Variants in TAAR2 observed in about 807,000 individuals in gnomAD.
TAAR2 encodes trace amine associated receptor 2, also known as trace amine-associated receptor 2.
Under a neutral mutation model 25.5 loss-of-function variants are expected in TAAR2, and 30 were observed. That is an observed-to-expected ratio of 1.18 (90% CI 0.88 to 1.60). The LOEUF (loss-of-function observed/expected upper bound fraction) is 1.60. Ranked by LOEUF, TAAR2 falls within the 40% of genes most tolerant of loss-of-function variation. TAAR2 has a pLI of 0.00. For missense variants in TAAR2, 481 were observed against 416.5 expected (o/e 1.15, Z -1.35); for synonymous variants, 150 against 142.4 (o/e 1.05, Z -0.38).
chr6:132,623,144 A>G (rs766455232), intron 1 of TAAR2, among the ~76,000 whole-genome samples: 1 of 152,024 alleles, frequency 6.6e-6, no homozygotes, highest in Non-Finnish European at 1.5e-5. Context: ...ATGGGATTGT[A>G]AGGAAAAAGG....
At chr6:132,622,170 A>G (rs1316959515) in intron 1 of TAAR2, among the ~76,000 whole-genome samples, 1 of 152,008 alleles carries the variant, frequency 6.6e-6, no homozygotes, top group African/African-American at 2.4e-5. Flanking sequence ...AAGATTTGTA[A>G]CATAATGAAT....
In TAAR2 at chr6:132,617,302, A is replaced by G; in HGVS notation, c.904T>C (p.Trp302Arg). ...CATGTGGAGTTAAAATAGCCAAACC[A>G]TGTCAAGGCATCAAACAAAACTACA... ...TPVVLFDALT[W>R]FGYFNSTCNP... Residue 302 changes from tryptophan (W) to arginine (R), a missense_variant, in exon 2 of 2, where the codon TGG becomes CGG. Coordinates refer to ENST00000367931, the MANE Select transcript of TAAR2 (RefSeq NM_001033080.1). 2 of 1,613,790 alleles carry G rather than the reference A, an allele frequency of 1.2e-6. No individual in the cohort carries two copies. The highest frequency in any genetic ancestry group is 2.2e-5 in the East Asian group (1 of 44,732).
At chr6:132,623,424 A>G (rs1407856630) in intron 1 of TAAR2, among the ~76,000 whole-genome samples, 4 of 152,186 alleles carry the variant, frequency 2.6e-5, no homozygotes, top group African/African-American at 9.7e-5. Context: ...AAAATTCAAA[A>G]AGGAAGACCT....
At chr6:132,618,237 G>C in intron 1 of TAAR2, 92 bp from the exon 2 acceptor site, 1 of 1,172,660 alleles carries the variant, frequency 8.5e-7, no homozygotes, top group Non-Finnish European at 1.2e-6. Context: ...GAAAGGCAGA[G>C]AAGAATCAAG....
At chr6:132,619,225 G>A (rs1777342125) in intron 1 of TAAR2, among the ~76,000 whole-genome samples, 1 of 152,166 alleles carries the variant, frequency 6.6e-6, no homozygotes, top group African/African-American at 2.4e-5. Flanking sequence ...TAGAAAGCAA[G>A]CCATCTCTAC....
At position 132,618,156 on chromosome 6, in the gene TAAR2, C is replaced by T. The variant is rs776325452; in HGVS notation, c.61-11G>A. 12 of 1,551,526 alleles carry T rather than the reference C, an allele frequency of 7.7e-6. No individual in the cohort carries two copies. The highest frequency in any genetic ancestry group is 8.7e-6 in the Non-Finnish European group (10 of 1,153,542). On this transcript the variant is annotated splice_polypyrimidine_tract_variant and intron_variant, in intron 1 of 1. Transcript: ENST00000367931. ...GCAATTGAATTTTTCCTTCAAAAAACAAGAACAGATAGAATTTTGTCAGAA... is the reference window on the plus strand; with the variant it reads ...GCAATTGAATTTTTCCTTCAAAAAATAAGAACAGATAGAATTTTGTCAGAA...
Position 132,617,655 on chromosome 6 carries a change from T to A in TAAR2, c.551A>T (p.Tyr184Phe). The A allele has an allele frequency of 1.2e-6, 2 of 1,613,964 alleles. No homozygotes were observed. The highest frequency in any genetic ancestry group is 1.7e-6 in the Non-Finnish European group (2 of 1,179,986). The change falls in exon 2 of 2, where the codon TAT becomes TTT. Residue 184 changes from tyrosine to phenylalanine, a missense_variant. Physicochemically the swap from Tyr to Phe is conservative, Grantham distance 22. Transcript: ENST00000367931. ...FAFGVVFSEAYADGIEGYDIL... is the reference protein window; with the variant it reads ...FAFGVVFSEAFADGIEGYDIL... Reference sequence around the variant, plus strand: ...GTCATAGCCCTCTATTCCATCTGCATAGGCCTCTGAGAAGACCACCCCGAA... The same window carrying A: ...GTCATAGCCCTCTATTCCATCTGCAAAGGCCTCTGAGAAGACCACCCCGAA...
intron 1 of TAAR2, among the ~76,000 whole-genome samples, chr6:132,623,365 C>T (rs1438867526): frequency 6.6e-6 from 1 of 152,152 alleles, no homozygotes; most frequent in East Asian, 1.9e-4. Context: ...TTAAGTCCTG[C>T]ACCTTCCACA....
chr6:132,617,504 T>C lies in TAAR2; in HGVS notation c.702A>G (p.Ala234=), dbSNP rs2114607013. Residue 234 remains alanine, a synonymous_variant, in exon 2 of 2, where the codon GCA becomes GCG. Transcript: ENST00000367931. Reference sequence around the variant, plus strand: ...TGGCATGAGCATGTTTTCTGGATACTGCAAAAATTTTGCCATAAATCCCCA... The same window carrying C: ...TGGCATGAGCATGTTTTCTGGATACCGCAAAAATTTTGCCATAAATCCCCA... ...MMVGIYGKIF[A]VSRKHAHAIN... The C allele has an allele frequency of 3.7e-6, 6 of 1,614,036 alleles. No individual in the cohort carries two copies. The highest frequency in any genetic ancestry group is 1.1e-5 in the South Asian group (1 of 91,084).
rs773819525 is a variant in TAAR2 at position 132,617,824 on chromosome 6, T to C, written c.382A>G (p.Ile128Val). The C allele has an allele frequency of 1.9e-6, 3 of 1,614,094 alleles. No homozygotes were observed. Among genetic ancestry groups the C allele is most frequent in the East Asian group, 2.2e-5 (1 of 44,824 alleles). Residue 128 changes from isoleucine to valine, a missense_variant, in exon 2 of 2, where the codon ATA becomes GTA. Physicochemically the swap from Ile to Val is conservative, Grantham distance 29 (BLOSUM62 3). Coordinates refer to ENST00000367931, the MANE Select transcript of TAAR2 (RefSeq NM_001033080.1). Reference sequence around the variant, plus strand: ...GAGCAAAGATGAAAAATGGATGTTATGCTAAGCATCAGGTCAAAACTATAA... The same window carrying C: ...GAGCAAAGATGAAAAATGGATGTTACGCTAAGCATCAGGTCAAAACTATAA... ...IYYSFDLMLS[I>V]TSIFHLCSVA... is the part of the protein sequence containing the mutation.
intron 1 of TAAR2, among the ~76,000 whole-genome samples, chr6:132,618,517 G>A (rs1777332625): frequency 6.6e-6 from 1 of 152,106 alleles, no homozygotes; most frequent in Non-Finnish European, 1.5e-5. Flanking sequence ...GCATGTGCCT[G>A]TAATCCCAGC....
intron 1 of TAAR2, among the ~76,000 whole-genome samples, chr6:132,621,999 G>A (rs1417992349): frequency 6.6e-6 from 1 of 152,080 alleles, no homozygotes; most frequent in Non-Finnish European, 1.5e-5. Flanking sequence ...TGTAAAAGCA[G>A]TATTTTAAAG....
At position 132,617,439 on chromosome 6, in the gene TAAR2, T is replaced by C; in HGVS notation, c.767A>G (p.Lys256Arg). 1 of 1,613,794 alleles carries C rather than the reference T, an allele frequency of 6.2e-7. No individual in the cohort carries two copies. Among genetic ancestry groups the C allele is most frequent in the Non-Finnish European group, 8.5e-7 (1 of 1,179,936 alleles). The part of the protein sequence containing the change: ...LRENQNNQVK[K>R]DKKAAKTLGI... ...TAAAGTTTTGGCAGCTTTTTTGTCT[T>C]TCTTCACTTGATTATTTTGATTTTC... Residue 256 changes from lysine to arginine, a missense_variant, in exon 2 of 2, where the codon AAA (lysine) becomes AGA (arginine). Transcript: ENST00000367931.
At position 132,617,323 on chromosome 6, in the gene TAAR2, C is replaced by A; in HGVS notation, c.883G>T (p.Val295Phe). ...DPFLNFSTPV[V>F]LFDALTWFGY... is the part of the protein sequence containing the mutation. ...AACCATGTCAAGGCATCAAACAAAA[C>A]TACAGGAGTAGAGAAGTTCAAAAAG... is the stretch of plus-strand genomic sequence containing the variant. The change falls in exon 2 of 2, where the codon GTT becomes TTT. Residue 295 changes from valine (V) to phenylalanine (F), a missense_variant. By Grantham distance (50) the Val-to-Phe change is conservative. Transcript: ENST00000367931. 6.2e-7 allele frequency: 1 copy of A among 1,613,676 alleles called. No homozygotes were observed. Among genetic ancestry groups the A allele is most frequent in the East Asian group, 2.2e-5 (1 of 44,732 alleles).
chr6:132,622,363 G>A (rs1777386065), intron 1 of TAAR2, among the ~76,000 whole-genome samples: 1 of 150,456 alleles, frequency 6.6e-6, no homozygotes, highest in South Asian at 2.1e-4. Context: ...GGGGTAGGGA[G>A]GAGGAAGCAG....
chr6:132,622,011 C>A (rs1482050402), intron 1 of TAAR2, among the ~76,000 whole-genome samples: 24 of 152,054 alleles, frequency 1.6e-4, no homozygotes, highest in Admixed American at 1.6e-3. Context: ...ATTTTAAAGG[C>A]TATAGCTTTC....
At position 132,617,386 on chromosome 6, in the gene TAAR2, A is replaced by G. The variant is rs1266941214; in HGVS notation, c.820T>C (p.Cys274Arg). 5 of 1,613,824 alleles carry G rather than the reference A, an allele frequency of 3.1e-6. No homozygotes were observed. The highest frequency in any genetic ancestry group is 4.2e-6 in the Non-Finnish European group (5 of 1,179,902). ...LGIVIGVFLL[C>R]WFPCFFTILL... The stretch of plus-strand genomic sequence containing the variant: ...ATTGTGAAGAAACAAGGAAACCAAC[A>G]TAATAAGAAAACTCCTATCACTATT... Residue 274 changes from cysteine (C) to arginine (R), a missense_variant, in exon 2 of 2, where the codon TGT becomes CGT. Coordinates refer to ENST00000367931, the MANE Select transcript of TAAR2 (RefSeq NM_001033080.1).
chr6:132,617,419 T>C lies in TAAR2; in HGVS notation c.787A>G (p.Thr263Ala). 6.2e-7 allele frequency: 1 copy of C among 1,613,666 alleles called. No individual in the cohort carries two copies. The highest frequency in any genetic ancestry group is 8.5e-7 in the Non-Finnish European group (1 of 1,179,912). The change falls in exon 2 of 2, where the codon ACT (threonine) becomes GCT (alanine). Residue 263 changes from threonine (T) to alanine (A), a missense_variant. Transcript: ENST00000367931. ...QVKKDKKAAKTLGIVIGVFLL... is the reference protein window; with the variant it reads ...QVKKDKKAAKALGIVIGVFLL... ...AAAACTCCTATCACTATTCCTAAAGTTTTGGCAGCTTTTTTGTCTTTCTTC... is the reference window on the plus strand; with the variant it reads ...AAAACTCCTATCACTATTCCTAAAGCTTTGGCAGCTTTTTTGTCTTTCTTC...
Position 132,618,114 on chromosome 6 carries a change from C to G in TAAR2, c.92G>C (p.Arg31Thr). The change falls in exon 2 of 2, where the codon AGA (arginine) becomes ACA (threonine). Residue 31 changes from arginine to threonine, a missense_variant. Physicochemically the swap from Arg to Thr is moderately conservative, Grantham distance 71 (BLOSUM62 -1). Coordinates refer to ENST00000367931, the MANE Select transcript of TAAR2 (RefSeq NM_001033080.1). ...EKFNCSEYGNRSCPENERSLG... is the reference protein window; with the variant it reads ...EKFNCSEYGNTSCPENERSLG... ...AGATCTTTCATTTTCTGGGCAAGAT[C>G]TATTTCCATATTCAGAGCAATTGAA... The G allele has an allele frequency of 6.2e-7, 1 of 1,608,816 alleles. No homozygotes were observed.
Sources: gnomAD v4.1 joint callset for allele counts (sites outside exome capture counted in the v4.1 genomes callset) on GRCh38, gnomAD v4.1.1 for gene constraint, MANE v1.5 for transcripts, NCBI Gene and HGNC (gene_info 2026-07-23, HGNC 2026-07-21) for gene names.